The following PDE1C variants were observed in gnomAD, a reference collection of about 807,000 sequenced individuals.
The protein encoded by PDE1C is dual specificity calcium/calmodulin-dependent 3',5'-cyclic nucleotide phosphodiesterase 1C.
In PDE1C, 62 loss-of-function variants were observed where a neutral mutation model predicts 93.1. That is an observed-to-expected ratio of 0.67 (90% CI 0.54 to 0.82). The LOEUF (loss-of-function observed/expected upper bound fraction) is 0.82, where lower values mean the gene tolerates loss of function less well. PDE1C is among the 40% of genes least tolerant of loss of function. PDE1C has a pLI of 0.00. For missense variants in PDE1C, 742 were observed against 884.6 expected, an observed-to-expected ratio of 0.84 and a Z score of 2.04; for synonymous variants, 325 against 310.1, an observed-to-expected ratio of 1.05 and a Z score of -0.50.
intron 4 of PDE1C, among the ~76,000 whole-genome samples, chr7:31,878,446 T>C (rs988941598): frequency 6.6e-6 from 1 of 152,156 alleles, no homozygotes; most frequent in African/African-American, 2.4e-5. Flanking sequence ...GAAGGAAAAA[T>C]GTCCCAGGTA....
chr7:32,340,854 AG>A (rs1353831950), intron 1 of PDE1C, among the ~76,000 whole-genome samples: 2 of 152,200 alleles, frequency 1.3e-5, no homozygotes, highest in Non-Finnish European at 2.9e-5. Context: ...CGGGAGAAGA[AG>A]GGATGAATAG....
the PDE1C span, among the ~76,000 whole-genome samples, chr7:31,684,075 AG>A: frequency 1.6e-4 from 24 of 152,200 alleles, no homozygotes; most frequent in African/African-American, 5.8e-4. Context: ...GAACTCTCCA[AG>A]GTATAGATTT....
intron 1 of PDE1C, among the ~76,000 whole-genome samples, chr7:32,226,785 C>G (rs1439728879): frequency 1.3e-5 from 2 of 152,178 alleles, no homozygotes; most frequent in African/African-American, 4.8e-5. Context: ...CACCGAGTTA[C>G]CAGTCATGGG....
intron 1 of PDE1C, among the ~76,000 whole-genome samples, chr7:32,291,246 T>G (rs1023175391): frequency 1.2e-4 from 18 of 152,228 alleles, no homozygotes; most frequent in African/African-American, 4.3e-4. Context: ...ATCCAACTCT[T>G]AACCTCTGCA....
rs142403071 is a variant in PDE1C at position 31,864,615 on chromosome 7, T to C, written c.750+327A>G. Among the ~76,000 whole-genome samples the C allele has an allele frequency of 5.3e-5, 8 of 152,338 alleles. 1 individual carries two copies. The East Asian group carries it at 7.7e-4, about 15-fold the overall frequency. The stretch of plus-strand genomic sequence containing the variant: ...TCAGTATACATGAATATCATTGTTA[T>C]TGACCATAGCAAAAGGTTAACAGTA... On this transcript the variant is annotated intron_variant, in intron 7 of 17. Transcript: ENST00000396191.
chr7:31,655,802 C>T, the PDE1C span: 13 of 985,654 alleles, frequency 1.3e-5, no homozygotes, highest in East Asian at 9.1e-4. Flanking sequence ...TTGACCTCCC[C>T]TTCTCCATGT....
chr7:31,905,430 A>G (rs1370420796), intron 2 of PDE1C, among the ~76,000 whole-genome samples: 1 of 152,168 alleles, frequency 6.6e-6, no homozygotes, highest in Non-Finnish European at 1.5e-5. Context: ...ATTTGAAAAG[A>G]TTATACCTTT....
chr7:32,048,568 G>C (rs774157969), intron 2 of PDE1C, among the ~76,000 whole-genome samples: 2 of 152,052 alleles, frequency 1.3e-5, no homozygotes, highest in Non-Finnish European at 2.9e-5. Flanking sequence ...GACTCCTAAC[G>C]TGAGCAAAGA....
intron 1 of PDE1C, among the ~76,000 whole-genome samples, chr7:32,389,157 CGT>C (rs575896243): frequency 0.03 from 4,077 of 135,732 alleles, 67 homozygotes; most frequent in South Asian, 0.055. Context: ...TGATAGCTGA[CGT>C]GTGTGTGTGT....
intron 1 of PDE1C, among the ~76,000 whole-genome samples, chr7:32,394,529 T>G (rs1585140651): frequency 6.6e-6 from 1 of 152,232 alleles, no homozygotes. Context: ...GAGTCTGGGT[T>G]GGGCACATTG....
the PDE1C span, among the ~76,000 whole-genome samples, chr7:31,666,352 C>A: frequency 2.6e-5 from 4 of 152,248 alleles, no homozygotes; most frequent in South Asian, 4.1e-4. Context: ...TATAAGCAAA[C>A]CTTTCTCATA....
intron 2 of PDE1C, among the ~76,000 whole-genome samples, chr7:31,943,991 C>T (rs1243184633): frequency 6.6e-6 from 1 of 152,158 alleles, no homozygotes; most frequent in Non-Finnish European, 1.5e-5. Context: ...TGACTTCAAT[C>T]CCAGTCTAAC....
At chr7:31,802,334 T>C (rs948954089) in intron 16 of PDE1C, among the ~76,000 whole-genome samples, 7 of 151,634 alleles carry the variant, frequency 4.6e-5, no homozygotes, top group African/African-American at 1.7e-4. Flanking sequence ...TACTGAACCT[T>C]ACAATAGATA....
intron 3 of PDE1C, among the ~76,000 whole-genome samples, chr7:32,115,476 G>A (rs995255860): frequency 9.9e-5 from 15 of 152,002 alleles, no homozygotes; most frequent in African/African-American, 3.6e-4. Flanking sequence ...TGAGGGGAGG[G>A]GAGTGAGGGA....
chr7:31,808,258 G>A (rs766332240), intron 16 of PDE1C: 1 of 412,252 alleles, frequency 2.4e-6, no homozygotes, highest in Non-Finnish European at 4.6e-6. Flanking sequence ...TAGAGAGTCT[G>A]GGATTCTCTC....
chr7:32,066,038 A>G (rs1232138785), intron 1 of PDE1C, among the ~76,000 whole-genome samples: 1 of 152,198 alleles, frequency 6.6e-6, no homozygotes, highest in Non-Finnish European at 1.5e-5. Context: ...CCTATCATAA[A>G]AGGTCTTCTC....
chr7:31,766,720 A>G (rs931757701), intron 17 of PDE1C, among the ~76,000 whole-genome samples: 13 of 152,232 alleles, frequency 8.5e-5, no homozygotes, highest in Non-Finnish European at 4.4e-5. Flanking sequence ...ATTAGAAAGC[A>G]TATATCTTGT....
chr7:32,350,579 TATATATATA>T (rs1303930723), intron 1 of PDE1C, among the ~76,000 whole-genome samples: 52 of 658 alleles, frequency 0.079, no homozygotes, highest in Admixed American at 0.12. Flanking sequence ...TATATATATA[TATATATATA>T]TATTTTTTTT....
intron 1 of PDE1C, among the ~76,000 whole-genome samples, chr7:32,318,034 G>A (rs1783210615): frequency 1.3e-5 from 2 of 152,178 alleles, no homozygotes; most frequent in African/African-American, 4.8e-5. Flanking sequence ...CAACTAGTTA[G>A]CTCTGGTGCC....
Sources: gnomAD v4.1 joint callset for allele counts (sites outside exome capture counted in the v4.1 genomes callset) on GRCh38, gnomAD v4.1.1 for gene constraint, MANE v1.5 for transcripts, NCBI Gene and HGNC (gene_info 2026-07-23, HGNC 2026-07-21) for gene names.